Variants in NHS observed in about 807,000 individuals in gnomAD.
NHS encodes the protein NHS actin remodeling regulator, also known as actin remodeling regulator NHS.
In NHS, 5 loss-of-function variants were observed where a neutral mutation model predicts 72.5. That is an observed-to-expected ratio of 0.07 (90% CI 0.04 to 0.14). NHS has a LOEUF of 0.14. NHS is among the 10% of genes least tolerant of loss of function. The probability of loss-of-function intolerance (pLI) is 1.00; values close to 1 mark genes in which losing one functional copy is unlikely to be tolerated. For synonymous variants in NHS, 464 were observed against 547.7 expected, an observed-to-expected ratio of 0.85 and a Z score of 2.13; for missense variants, 1,072 against 1,355.7, an observed-to-expected ratio of 0.79 and a Z score of 3.29.
At chrX:17,585,686 G>A (rs1273603604) in intron 1 of NHS, among the ~76,000 whole-genome samples, 2 of 109,263 alleles carry the variant, frequency 1.8e-5, no homozygotes, top group African/African-American at 3.3e-5. Flanking sequence ...ACCATCCAGA[G>A]GAGGCCCCAC....
intron 8 of NHS, among the ~76,000 whole-genome samples, chrX:17,729,557 A>G (rs1306706292): frequency 8.9e-6 from 1 of 112,350 alleles, no homozygotes; most frequent in African/African-American, 3.2e-5. Flanking sequence ...CCATGAATAC[A>G]GGTCTTTTGG....
chrX:17,696,317 G>GT (rs2066229952), intron 3 of NHS, among the ~76,000 whole-genome samples: 1 of 112,202 alleles, frequency 8.9e-6, no homozygotes, highest in Admixed American at 9.4e-5. Context: ...ATTATTTAGG[G>GT]AAAGGTAGGG....
intron 1 of NHS, among the ~76,000 whole-genome samples, chrX:17,377,624 G>C (rs1423421217): frequency 8.8e-6 from 1 of 113,425 alleles, no homozygotes; most frequent in Non-Finnish European, 1.9e-5. Context: ...GCCTCCCAGC[G>C]GTCCCTGCCC....
intron 1 of NHS, among the ~76,000 whole-genome samples, chrX:17,426,730 A>G (rs2064659241): frequency 1.8e-5 from 2 of 111,325 alleles, no homozygotes; most frequent in Admixed American, 9.5e-5. Context: ...CAGTAATTCT[A>G]CTTTTATCTG....
At chrX:17,634,299 A>G (rs928460951) in intron 1 of NHS, among the ~76,000 whole-genome samples, 3 of 112,358 alleles carry the variant, frequency 2.7e-5, no homozygotes, top group African/African-American at 6.5e-5. Flanking sequence ...ATGATTAAGG[A>G]GCAGAAGTAT....
At chrX:17,600,515 A>G (rs2065644429) in intron 1 of NHS, among the ~76,000 whole-genome samples, 1 of 112,794 alleles carries the variant, frequency 8.9e-6, no homozygotes, top group Non-Finnish European at 1.9e-5. Flanking sequence ...GTTTATTGAA[A>G]TAGCCCTTTG....
chrX:17,565,392 C>G (rs1306693169), intron 1 of NHS, among the ~76,000 whole-genome samples: 1 of 112,574 alleles, frequency 8.9e-6, no homozygotes, highest in Non-Finnish European at 1.9e-5. Flanking sequence ...TGCACATAAT[C>G]ATGAGAAATC....
chrX:17,426,564 A>C lies in NHS; in HGVS notation c.565+50242A>C, dbSNP rs1184570602. 3.6e-5 allele frequency among the ~76,000 whole-genome samples: 4 copies of C among 112,207 alleles called. No homozygotes were observed. The East Asian group carries it at 1.1e-3, about 31-fold the overall frequency. The stretch of plus-strand genomic sequence containing the variant: ...ATAATAAAAGTAATTTAGATCATTA[A>C]ATAATTGCTAAGTTTCCTTGTAGCT... On this transcript the variant is annotated intron_variant, in intron 1 of 8. Transcript: ENST00000676302.
intron 1 of NHS, among the ~76,000 whole-genome samples, chrX:17,537,105 C>CA (rs1396584024): frequency 3.6e-5 from 4 of 111,958 alleles, no homozygotes; most frequent in Non-Finnish European, 5.6e-5. Context: ...GACCAATTTA[C>CA]AAAAAAAGGA....
intron 1 of NHS, among the ~76,000 whole-genome samples, chrX:17,447,755 C>CCA (rs745355880): frequency 2.6e-3 from 248 of 93,808 alleles, no homozygotes; most frequent in African/African-American, 7.4e-3. Flanking sequence ...TGGACTTTGG[C>CCA]CACACACACA....
At chrX:17,525,638 C>CTTTTTTTTTT (rs1162709869) in intron 1 of NHS, among the ~76,000 whole-genome samples, 47 of 53,000 alleles carry the variant, frequency 8.9e-4, no homozygotes, top group East Asian at 3.7e-3. Context: ...TCTTTCTTTT[C>CTTTTTTTTTT]TTTTTTTTTT....
At chrX:17,645,557 A>G (rs1427843305) in intron 1 of NHS, among the ~76,000 whole-genome samples, 3 of 111,426 alleles carry the variant, frequency 2.7e-5, no homozygotes, top group Admixed American at 9.5e-5. Flanking sequence ...ATGACATCCT[A>G]GAACTGCTGA....
intron 1 of NHS, among the ~76,000 whole-genome samples, chrX:17,644,360 T>C (rs1452346924): frequency 8.9e-6 from 1 of 112,163 alleles, no homozygotes; most frequent in African/African-American, 3.2e-5. Context: ...TCTCATCACA[T>C]CATGCTCTCT....
chrX:17,601,456 A>T (rs1191765353), intron 1 of NHS, among the ~76,000 whole-genome samples: 2 of 112,052 alleles, frequency 1.8e-5, no homozygotes, highest in Non-Finnish European at 3.8e-5. Flanking sequence ...CATGGAGGAA[A>T]ATACTAAAAG....
chrX:17,562,487 A>G (rs965842601), intron 1 of NHS, among the ~76,000 whole-genome samples: 2 of 111,567 alleles, frequency 1.8e-5, no homozygotes, highest in Non-Finnish European at 3.8e-5. Flanking sequence ...AGGCACAGAG[A>G]CACAGGTAGG....
chrX:17,654,259 C>T (rs1042178832), intron 1 of NHS, among the ~76,000 whole-genome samples: 11 of 111,721 alleles, frequency 9.8e-5, no homozygotes, highest in African/African-American at 3.6e-4. Context: ...TTTACCCACC[C>T]ACCCCTTAAA....
intron 1 of NHS, among the ~76,000 whole-genome samples, chrX:17,480,047 A>T (rs1007896563): frequency 1.1e-4 from 12 of 111,698 alleles, no homozygotes; most frequent in Non-Finnish European, 1.9e-4. Flanking sequence ...AAAGAGAATA[A>T]AATACCTAGG....
chrX:17,452,498 T>TTG (rs1555990915), intron 1 of NHS, among the ~76,000 whole-genome samples: 1 of 109,093 alleles, frequency 9.2e-6, no homozygotes, highest in African/African-American at 3.4e-5. Context: ...TGTGTTTTTT[T>TTG]TTTTTGTTTT....
At chrX:17,653,844 C>T (rs900070310) in intron 1 of NHS, among the ~76,000 whole-genome samples, 1 of 111,887 alleles carries the variant, frequency 8.9e-6, no homozygotes, top group African/African-American at 3.3e-5. Flanking sequence ...TGTTAACATA[C>T]AGATGGCCAG....
Sources: allele counts gnomAD v4.1 joint callset (sites outside exome capture counted in the v4.1 genomes callset), GRCh38; gene constraint gnomAD v4.1.1; transcripts MANE v1.5; gene names NCBI Gene and HGNC (gene_info 2026-07-23, HGNC 2026-07-21).